Variants in IL2RB observed in about 807,000 individuals in gnomAD.
IL2RB encodes the protein interleukin-2 receptor subunit beta.
IL2RB carries 17 observed loss-of-function variants against 44.2 expected under a neutral mutation model. That is an observed-to-expected ratio of 0.38 (90% CI 0.26 to 0.58). The LOEUF is 0.58. Ranked by LOEUF, IL2RB falls within the 20% of genes least tolerant of loss-of-function variation. The pLI, the probability that IL2RB is intolerant of heterozygous loss-of-function variation, is 0.63. For synonymous variants in IL2RB, 286 were observed against 297.9 expected (o/e 0.96, Z 0.41); for missense variants, 624 against 685.5 (o/e 0.91, Z 1.00).
At chr22:37,173,824 G>T (rs969723503) in intron 1 of IL2RB, among the ~76,000 whole-genome samples, 1 of 152,204 alleles carries the variant, frequency 6.6e-6, no homozygotes, top group Non-Finnish European at 1.5e-5. Context: ...AGAGCTTGAA[G>T]CCTCGTGAGC....
At chr22:37,169,669 C>T (rs570438905) in intron 1 of IL2RB, among the ~76,000 whole-genome samples, 12 of 152,054 alleles carry the variant, frequency 7.9e-5, no homozygotes, top group Admixed American at 5.9e-4. Flanking sequence ...CCAGGGTTTG[C>T]CCCCTCCCTG....
chr22:37,140,121 C>A (rs1601600721), intron 4 of IL2RB, among the ~76,000 whole-genome samples: 1 of 152,218 alleles, frequency 6.6e-6, no homozygotes, highest in Middle Eastern at 3.4e-3. Context: ...AGGGCCGGGA[C>A]CTTGGGCACC....
At chr22:37,174,611 AC>A (rs1341840432) in intron 1 of IL2RB, among the ~76,000 whole-genome samples, 8 of 152,062 alleles carry the variant, frequency 5.3e-5, no homozygotes, top group Non-Finnish European at 1.0e-4. Context: ...ACCTTAGATC[AC>A]CCCACTTCTC....
intron 1 of IL2RB, among the ~76,000 whole-genome samples, chr22:37,156,255 G>A (rs1302083611): frequency 2.0e-5 from 3 of 152,174 alleles, no homozygotes; most frequent in African/African-American, 7.2e-5. Flanking sequence ...AAGACCCCTT[G>A]AACTTCCACC....
chr22:37,142,277 T>C (rs1206512486), intron 4 of IL2RB, among the ~76,000 whole-genome samples, 157 bp downstream of exon 4: 2 of 152,174 alleles, frequency 1.3e-5, no homozygotes, highest in African/African-American at 2.4e-5. Context: ...TCACCTGTTT[T>C]TCTCTGCCTC....
chr22:37,130,348 GGCCTGA>G (rs1468821369), intron 9 of IL2RB, among the ~76,000 whole-genome samples: 1 of 152,182 alleles, frequency 6.6e-6, no homozygotes, highest in Non-Finnish European at 1.5e-5. Context: ...CTACTTCCTG[GGCCTGA>G]GCCTCTGCCC....
chr22:37,141,460 G>C lies in IL2RB; in HGVS notation c.282+974C>G, dbSNP rs1028942721. On this transcript the variant is annotated intron_variant, in intron 4 of 9. Coordinates refer to ENST00000216223, the MANE Select transcript of IL2RB (RefSeq NM_000878.5). This position sits in a 1 kb window ranked among gnomAD's most constrained non-coding sequence, Gnocchi z 4.4. ...CCGATCTGATCCTGGAGGCACAGTC[G>C]GGGCTACGCACTCTGTGGATCCAGT... 6.6e-6 allele frequency among the ~76,000 whole-genome samples: 1 copy of C among 152,026 alleles called. No homozygotes were observed. The highest frequency in any genetic ancestry group is 1.5e-5 in the Non-Finnish European group (1 of 67,992).
At chr22:37,167,177 G>A (rs982822311) in intron 1 of IL2RB, among the ~76,000 whole-genome samples, 3 of 152,052 alleles carry the variant, frequency 2.0e-5, no homozygotes, top group African/African-American at 7.3e-5. Context: ...TGGCCCCCAC[G>A]TTTAGGGTTC....
At chr22:37,136,110 G>C in intron 7 of IL2RB, 118 bp downstream of exon 7, 1 of 1,117,564 alleles carries the variant, frequency 8.9e-7, no homozygotes, top group Non-Finnish European at 1.3e-6. Context: ...GTTACAGCAA[G>C]TGAGGGATGG....
At chr22:37,136,471 C>G in intron 6 of IL2RB, 78 bp from the exon 7 acceptor site, 4 of 1,444,678 alleles carry the variant, frequency 2.8e-6, no homozygotes, top group South Asian at 1.3e-5. Flanking sequence ...ACAGAACCCC[C>G]CCCCAACCCC....
Position 37,137,531 on chromosome 22 carries a change from T to C in IL2RB, c.537+56A>G. On this transcript the variant is annotated intron_variant, in intron 6 of 9. Coordinates refer to ENST00000216223, the MANE Select transcript of IL2RB (RefSeq NM_000878.5). ...GACACAATGAAAAAGGGACAGGACA[T>C]GGACCAGGACAGGAAGGAGGAACCA... 4 of 1,584,304 alleles carry C rather than the reference T, an allele frequency of 2.5e-6. No individual in the cohort carries two copies. In the South Asian group the frequency reaches 3.4e-5, roughly 13 times the overall value.
At chr22:37,148,626 G>C (rs1569048947) in intron 1 of IL2RB, among the ~76,000 whole-genome samples, 1 of 152,108 alleles carries the variant, frequency 6.6e-6, no homozygotes, top group African/African-American at 2.4e-5. Flanking sequence ...ACTGGTGCCT[G>C]CTCTCTCTCT....
rs531984940 is a variant in IL2RB, at chr22:37,163,977, A to G, written c.-34+10981T>C. 2.0e-5 allele frequency among the ~76,000 whole-genome samples: 3 copies of G among 152,350 alleles called. No individual in the cohort carries two copies. The East Asian group carries it at 5.8e-4, about 29-fold the overall frequency. ...GCCAGCAGCACAGGCCGAGAGTGCC[A>G]TGGCTGCTGCTCATGCACGAAGGTG... is the stretch of plus-strand genomic sequence containing the variant. On this transcript the variant is annotated intron_variant, in intron 1 of 5. Coordinates refer to the IL2RB transcript ENST00000429622.
At chr22:37,174,974 G>A (rs5756537) in exon 1 of IL2RB, 43,201 of 152,320 alleles carry the variant, frequency 0.28, 6,473 homozygotes, top group East Asian at 0.47. Flanking sequence ...ACATGGCTGG[G>A]GAGGCCTCAG....
intron 8 of IL2RB, among the ~76,000 whole-genome samples, chr22:37,134,507 G>A (rs751921401): frequency 1.8e-4 from 28 of 152,334 alleles, no homozygotes; most frequent in Non-Finnish European, 2.9e-4. Flanking sequence ...TCGGGAGGAT[G>A]ACGCAGGAGA....
At chr22:37,171,044 C>T (rs1923266031) in intron 1 of IL2RB, among the ~76,000 whole-genome samples, 1 of 152,112 alleles carries the variant, frequency 6.6e-6, no homozygotes, top group Non-Finnish European at 1.5e-5. Context: ...AGTGCAGTGG[C>T]ACAATCTCAG....
At chr22:37,132,178 A>T (rs1261105502) in intron 9 of IL2RB, among the ~76,000 whole-genome samples, 9 of 152,176 alleles carry the variant, frequency 5.9e-5, no homozygotes, top group Non-Finnish European at 8.8e-5. Flanking sequence ...CACAGCCAGA[A>T]TGTGGTGGAG....
intron 6 of IL2RB, 82 bp from the exon 7 acceptor site, chr22:37,136,475 C>CCA (rs1921709755): frequency 7.1e-7 from 1 of 1,415,816 alleles, no homozygotes; most frequent in Non-Finnish European, 9.5e-7. Flanking sequence ...AACCCCCCCC[C>CCA]AACCCCTGCC....
intron 1 of IL2RB, among the ~76,000 whole-genome samples, chr22:37,159,538 A>G (rs760521092): frequency 1.5e-4 from 23 of 152,092 alleles, no homozygotes; most frequent in East Asian, 1.9e-4. Context: ...GCCCTACAAC[A>G]TATATAGAGA....
Sources: allele counts gnomAD v4.1 joint callset (sites outside exome capture counted in the v4.1 genomes callset), GRCh38; gene constraint gnomAD v4.1.1; non-coding constraint Gnocchi (gnomAD v3.1); transcripts MANE v1.5; gene names NCBI Gene and HGNC (gene_info 2026-07-23, HGNC 2026-07-21).